TEX10: variants seen among roughly 807,000 people sequenced by gnomAD.
The protein encoded by TEX10 is testis-expressed protein 10.
Under a neutral mutation model 104.4 loss-of-function variants are expected in TEX10, and 24 were observed. The observed-to-expected ratio is 0.23, with a 90% CI of 0.17 to 0.32. The LOEUF is 0.32. TEX10 is among the 10% of genes least tolerant of loss of function. The pLI, the probability that TEX10 is intolerant of heterozygous loss-of-function variation, is 1.00. For missense variants in TEX10, 921 were observed against 1,083.9 expected, an observed-to-expected ratio of 0.85 and a Z score of 2.11; for synonymous variants, 396 against 393.4, an observed-to-expected ratio of 1.01 and a Z score of -0.08.
chr9:100,351,047 C>G (rs1835426879), intron 1 of TEX10, among the ~76,000 whole-genome samples: 1 of 152,082 alleles, frequency 6.6e-6, no homozygotes, highest in South Asian at 2.1e-4. Context: ...GCGTGTCCCT[C>G]AAGTCTCAGG....
At chr9:100,330,553 T>A (rs1328726239) in intron 5 of TEX10, among the ~76,000 whole-genome samples, 1 of 152,228 alleles carries the variant, frequency 6.6e-6, no homozygotes, top group Non-Finnish European at 1.5e-5. Flanking sequence ...TGCTTTTAAC[T>A]AATCATCTGA....
At chr9:100,332,636 A>G (rs1834895874) in intron 5 of TEX10, among the ~76,000 whole-genome samples, 1 of 152,046 alleles carries the variant, frequency 6.6e-6, no homozygotes, top group African/African-American at 2.4e-5. Context: ...CATGGCTAAC[A>G]CGGTGAAACC....
At chr9:100,310,117 T>A (rs1485188615) in intron 12 of TEX10, among the ~76,000 whole-genome samples, 182 bp downstream of exon 12, 1 of 152,094 alleles carries the variant, frequency 6.6e-6, no homozygotes, top group Admixed American at 6.5e-5. Flanking sequence ...CAGAAGTAAA[T>A]TAATAACAGC....
intron 2 of TEX10, among the ~76,000 whole-genome samples, chr9:100,348,692 T>C (rs1296159975): frequency 6.6e-6 from 1 of 152,176 alleles, no homozygotes; most frequent in Non-Finnish European, 1.5e-5. Flanking sequence ...GGCTGGAGGA[T>C]TGCTTGCATC....
intron 12 of TEX10, among the ~76,000 whole-genome samples, chr9:100,310,052 A>T (rs939685127): frequency 1.3e-5 from 2 of 152,200 alleles, no homozygotes; most frequent in Non-Finnish European, 2.9e-5. Flanking sequence ...CAGGTCCCTT[A>T]TTTCACTGAT....
intron 11 of TEX10, among the ~76,000 whole-genome samples, chr9:100,314,979 T>C (rs1015829240): frequency 1.3e-5 from 2 of 152,240 alleles, no homozygotes; most frequent in African/African-American, 4.8e-5. Flanking sequence ...GACTCAATGA[T>C]TGCTCAAGAG....
At chr9:100,310,491 T>A (rs1017417707) in intron 11 of TEX10, 112 bp from the exon 12 acceptor site, 2 of 933,006 alleles carry the variant, frequency 2.1e-6, no homozygotes, top group Non-Finnish European at 3.2e-6. Context: ...CAGGCTGGAG[T>A]GCAGTGATGC....
At chr9:100,324,294 T>C (rs1834648664) in intron 9 of TEX10, among the ~76,000 whole-genome samples, 1 of 152,110 alleles carries the variant, frequency 6.6e-6, no homozygotes, top group South Asian at 2.1e-4. Flanking sequence ...CAGCCTCTCA[T>C]AGTGCTGGGA....
intron 8 of TEX10, 149 bp from the exon 9 acceptor site, chr9:100,326,628 TTAA>T (rs2118879028): frequency 2.7e-6 from 2 of 751,664 alleles, no homozygotes; most frequent in East Asian, 5.7e-5. Context: ...CATAATTATA[TTAA>T]TATCATAAAA....
intron 9 of TEX10, among the ~76,000 whole-genome samples, chr9:100,322,315 G>A (rs777055476): frequency 2.6e-5 from 4 of 152,212 alleles, no homozygotes; most frequent in Non-Finnish European, 4.4e-5. Context: ...GGTATTGGCA[G>A]AGGACTCAAA....
chr9:100,350,921 G>T (rs146957768), intron 1 of TEX10, among the ~76,000 whole-genome samples: 1 of 152,236 alleles, frequency 6.6e-6, no homozygotes, highest in African/African-American at 2.4e-5. Context: ...ACGCCTTCCA[G>T]CTGTACACTG....
rs965562425 is a variant in TEX10, at chr9:100,352,937, A to C, written c.-175T>G. The C allele has an allele frequency of 8.1e-6, 8 of 991,630 alleles. No individual in the cohort carries two copies. The highest frequency in any genetic ancestry group is 5.1e-4 in the Middle Eastern group (1 of 1,956). 61.4% of individuals were successfully genotyped at this position (991,630 alleles called of 1,614,324 possible). A position where few individuals can be genotyped will look rare whatever the true frequency, so the allele number is the denominator to read the frequency against. Reference sequence around the variant, plus strand: ...CCGCGTCTCCTTCCGCCGCCCGGAAATCAGGGCCCCTCCCCCTCCCTGCTG... The same window carrying C: ...CCGCGTCTCCTTCCGCCGCCCGGAACTCAGGGCCCCTCCCCCTCCCTGCTG... On this transcript the variant is annotated 5_prime_UTR_variant, in exon 1 of 15. Coordinates refer to ENST00000374902, the MANE Select transcript of TEX10 (RefSeq NM_017746.4).
chr9:100,313,845 C>T (rs1326616957), intron 11 of TEX10, among the ~76,000 whole-genome samples: 3 of 90,734 alleles, frequency 3.3e-5, no homozygotes, highest in African/African-American at 1.2e-4. Flanking sequence ...ACTGTGTTTC[C>T]AAAAAAAAAA....
In TEX10 at chr9:100,342,032, G is replaced by A. The variant is rs183915236; in HGVS notation, c.1138-1663C>T. On this transcript the variant is annotated intron_variant, in intron 4 of 14. Transcript: ENST00000374902. The stretch of plus-strand genomic sequence containing the variant: ...GATCTGGCCACTATCACTCTTCTTC[G>A]CCCCCATCTTCTACCATTCTCCCAG... Among the ~76,000 whole-genome samples the A allele has an allele frequency of 5.9e-4, 90 of 152,066 alleles. 1 individual carries two copies. Among genetic ancestry groups the A allele is most frequent in the African/African-American group, 2.0e-3 (82 of 41,478 alleles).
intron 4 of TEX10, among the ~76,000 whole-genome samples, chr9:100,342,678 G>A (rs533317230): frequency 1.2e-3 from 190 of 152,186 alleles, no homozygotes; most frequent in African/African-American, 4.3e-3. Flanking sequence ...CACAGCAAAA[G>A]GATAAAAGCA....
intron 13 of TEX10, 31 bp from the exon 14 acceptor site, chr9:100,303,873 G>C: frequency 1.2e-6 from 2 of 1,606,788 alleles, no homozygotes; most frequent in South Asian, 2.2e-5. Flanking sequence ...ATGAGTCAGT[G>C]AGCAAATGCC....
rs966261846 is a variant in TEX10, at chr9:100,335,494, C to A, written c.1250+4763G>T. ...GGGATTACAGGTGTGAGCCACCACA[C>A]CCGGACAAGGGTCATGACTTAATAC... is the stretch of plus-strand genomic sequence containing the variant. On this transcript the variant is annotated intron_variant, in intron 5 of 14. Coordinates refer to ENST00000374902, the MANE Select transcript of TEX10 (RefSeq NM_017746.4). Among the ~76,000 whole-genome samples, 5 of 152,188 alleles carry A rather than the reference C, an allele frequency of 3.3e-5. No individual in the cohort carries two copies. In the East Asian group the frequency reaches 7.7e-4, roughly 23 times the overall value.
Position 100,321,727 on chromosome 9 carries a change from A to G in TEX10, c.2024T>C (p.Met675Thr), listed in dbSNP as rs1364620451. 2 of 1,612,726 alleles carry G rather than the reference A, an allele frequency of 1.2e-6. No individual in the cohort carries two copies. Among genetic ancestry groups the G allele is most frequent in the Admixed American group, 3.3e-5 (2 of 59,998 alleles). The stretch of plus-strand genomic sequence containing the variant: ...GAAGCTGAAATAGTCTACATCACTC[A>G]TCAACCAGTCTTTAGCTGAATACTT... ...GWKYSAKDWLMSDVDYFSFLF... is the reference protein window; with the variant it reads ...GWKYSAKDWLTSDVDYFSFLF... Residue 675 changes from methionine (M) to threonine (T), a missense_variant, in exon 10 of 15, where the codon ATG (methionine) becomes ACG (threonine). Transcript: ENST00000374902.
intron 11 of TEX10, among the ~76,000 whole-genome samples, chr9:100,318,852 C>G (rs556960777): frequency 6.6e-6 from 1 of 152,090 alleles, no homozygotes; most frequent in Non-Finnish European, 1.5e-5. Context: ...TCACTTGAGC[C>G]CAGGAATTCA....
Sources: gnomAD v4.1 joint callset for allele counts (sites outside exome capture counted in the v4.1 genomes callset) on GRCh38, gnomAD v4.1.1 for gene constraint, MANE v1.5 for transcripts, NCBI Gene and HGNC (gene_info 2026-07-23, HGNC 2026-07-21) for gene names.